Variants in COG5 observed in about 807,000 individuals in gnomAD.
COG5 encodes conserved oligomeric Golgi complex subunit 5.
In COG5, 86 loss-of-function variants were observed where a neutral mutation model predicts 110.4. The ratio of observed to expected loss-of-function variants is 0.78; its 90% confidence interval spans 0.65 to 0.93. The LOEUF (loss-of-function observed/expected upper bound fraction) is 0.93. COG5 is among the 40% of genes least tolerant of loss of function. The pLI, the probability that COG5 is intolerant of heterozygous loss-of-function variation, is 0.00. For synonymous variants in COG5, 360 were observed against 334.6 expected, an observed-to-expected ratio of 1.08 and a Z score of -0.83; for missense variants, 1,077 against 987.0, an observed-to-expected ratio of 1.09 and a Z score of -1.22.
At chr7:107,384,670 G>T (rs1056875724) in intron 7 of COG5, among the ~76,000 whole-genome samples, 3 of 152,158 alleles carry the variant, frequency 2.0e-5, no homozygotes, top group Non-Finnish European at 4.4e-5. Context: ...GGGAGGGCTG[G>T]TCTCATGGGA....
intron 10 of COG5, among the ~76,000 whole-genome samples, chr7:107,326,141 C>G (rs944943750): frequency 5.3e-5 from 8 of 152,024 alleles, no homozygotes; most frequent in Non-Finnish European, 1.0e-4. Flanking sequence ...AACTAGGACT[C>G]GAAGGAAATT....
chr7:107,395,616 AAG>A (rs1790942074), intron 7 of COG5, among the ~76,000 whole-genome samples: 1 of 139,092 alleles, frequency 7.2e-6, no homozygotes, highest in Non-Finnish European at 1.5e-5. Flanking sequence ...GTACAGTGGC[AAG>A]ACCTCGGCTT....
intron 6 of COG5, among the ~76,000 whole-genome samples, chr7:107,432,919 G>C (rs1042766372): frequency 3.3e-5 from 5 of 151,960 alleles, no homozygotes; most frequent in African/African-American, 1.2e-4. Context: ...CATAATCTTA[G>C]ATATAGCAAA....
chr7:107,552,875 C>T (rs1000472356), intron 3 of COG5, among the ~76,000 whole-genome samples: 1 of 152,038 alleles, frequency 6.6e-6, no homozygotes, highest in Admixed American at 6.5e-5. Context: ...AGGTGCCCAA[C>T]AACAGTGAAT....
At position 107,543,406 on chromosome 7, in the gene COG5, T is replaced by C. The variant is rs548822573; in HGVS notation, c.417+4705A>G. Among the ~76,000 whole-genome samples the C allele has an allele frequency of 1.6e-3, 251 of 152,232 alleles. 1 individual carries two copies. Among genetic ancestry groups the C allele is most frequent in the African/African-American group, 5.7e-3 (235 of 41,550 alleles). ...CAACACTAGGCCTGCCCCATTAAAATTGTGTTGGGCAGGCTGCCCCCGCCC... is the reference window on the plus strand; with the variant it reads ...CAACACTAGGCCTGCCCCATTAAAACTGTGTTGGGCAGGCTGCCCCCGCCC... On this transcript the variant is annotated intron_variant, in intron 5 of 21. Coordinates refer to ENST00000297135, the MANE Select transcript of COG5 (RefSeq NM_006348.5).
intron 1 of COG5, chr7:107,563,551 G>A (rs867424408): frequency 1.4e-5 from 7 of 498,088 alleles, no homozygotes; most frequent in East Asian, 3.7e-5. Context: ...GCATGGGGGG[G>A]GGGGGGGTCG....
chr7:107,326,764 A>G lies in COG5; in HGVS notation c.1027-2243T>C, dbSNP rs544784646. ...CTCAAAATCTCAATGGCATTTTTGC[A>G]GAAATAAAAAAATACTAAAATTAAT... On this transcript the variant is annotated intron_variant, in intron 10 of 21. Coordinates refer to ENST00000297135, the MANE Select transcript of COG5 (RefSeq NM_006348.5). Among the ~76,000 whole-genome samples the G allele has an allele frequency of 2.0e-5, 3 of 152,344 alleles. No individual in the cohort carries two copies. In the Middle Eastern group the frequency reaches 0.01, roughly 518 times the overall value.
chr7:107,217,564 G>A (rs924267203), intron 19 of COG5, among the ~76,000 whole-genome samples: 2 of 152,080 alleles, frequency 1.3e-5, no homozygotes, highest in African/African-American at 4.8e-5. Flanking sequence ...TTCTCCCTGG[G>A]AGAAATGCAA....
chr7:107,235,451 T>A (rs1216616574), intron 18 of COG5, among the ~76,000 whole-genome samples: 2 of 152,230 alleles, frequency 1.3e-5, no homozygotes, highest in Non-Finnish European at 2.9e-5. Context: ...ACGCCTGTAA[T>A]CCCAACACTT....
intron 10 of COG5, among the ~76,000 whole-genome samples, chr7:107,353,658 C>T (rs1053916302): frequency 4.6e-5 from 7 of 151,942 alleles, no homozygotes; most frequent in Non-Finnish European, 7.4e-5. Flanking sequence ...ACTAAAATAC[C>T]ACTTAGGTTA....
chr7:107,249,241 T>G lies in COG5; in HGVS notation c.1750-742A>C, dbSNP rs953415279. ...TCCCCAGGAAACATTTGGTATTGCT[T>G]AAAGACATTTTTCATTGTCACAGTT... On this transcript the variant is annotated intron_variant, in intron 16 of 21. Coordinates refer to ENST00000297135, the MANE Select transcript of COG5 (RefSeq NM_006348.5). 5.3e-5 allele frequency among the ~76,000 whole-genome samples: 8 copies of G among 152,198 alleles called. No individual in the cohort carries two copies. In the South Asian group the frequency reaches 8.3e-4, roughly 16 times the overall value.
rs369044847 is a variant in COG5, at chr7:107,474,781, C to A, written c.538+52456G>T. The stretch of plus-strand genomic sequence containing the variant: ...CAAAATACTTCAGGCTCTTAATATT[C>A]GAATAGGCACAAGATTTTCAACAGG... On this transcript the variant is annotated intron_variant, in intron 6 of 21. Transcript: ENST00000297135. The surrounding 1 kb of genome is among the most constrained non-coding windows in gnomAD (Gnocchi z 5.7). 1.4e-5 allele frequency: 23 copies of A among 1,610,790 alleles called. No homozygotes were observed. The highest frequency in any genetic ancestry group is 6.7e-5 in the African/African-American group (5 of 74,668).
At chr7:107,368,033 ATAAC>A (rs1391050321) in intron 8 of COG5, among the ~76,000 whole-genome samples, 2 of 152,184 alleles carry the variant, frequency 1.3e-5, no homozygotes, top group Admixed American at 1.3e-4. Flanking sequence ...CAAAAATAAC[ATAAC>A]TAACAACTGG....
In COG5 at chr7:107,527,276, T is replaced by C. The variant is rs1437250885; in HGVS notation, c.499A>G (p.Arg167Gly). Residue 167 changes from arginine to glycine, a missense_variant, in exon 6 of 22, where the codon AGA becomes GGA. Coordinates refer to ENST00000297135, the MANE Select transcript of COG5 (RefSeq NM_006348.5). ...CTCTGAGCAGCTTTTGTTATCTCTC[T>C]ACTTCCCCCTTGCAGTTGTCCTTGG... ...RLQGQLQGGSREITKAAQSLN... is the reference protein window; with the variant it reads ...RLQGQLQGGSGEITKAAQSLN... 36 of 1,609,684 alleles carry C rather than the reference T, an allele frequency of 2.2e-5. No individual in the cohort carries two copies. Among genetic ancestry groups the C allele is most frequent in the Non-Finnish European group, 2.9e-5 (34 of 1,177,588 alleles).
intron 10 of COG5, among the ~76,000 whole-genome samples, chr7:107,345,345 T>A (rs1005116158): frequency 6.6e-6 from 1 of 152,106 alleles, no homozygotes; most frequent in Non-Finnish European, 1.5e-5. Context: ...TGTTGGAAAA[T>A]GGCACCAATA....
chr7:107,520,358 C>A (rs547721240), intron 6 of COG5, among the ~76,000 whole-genome samples: 2 of 152,244 alleles, frequency 1.3e-5, no homozygotes, highest in East Asian at 1.9e-4. Flanking sequence ...GTCAAATTGT[C>A]TGTTTCCAGA....
intron 6 of COG5, among the ~76,000 whole-genome samples, chr7:107,495,324 T>A (rs1235189259): frequency 6.6e-6 from 1 of 152,152 alleles, no homozygotes; most frequent in African/African-American, 2.4e-5. Flanking sequence ...CATAAGGTAC[T>A]ACACTCCCAA....
chr7:107,421,293 T>C (rs1356812946), intron 6 of COG5, among the ~76,000 whole-genome samples: 1 of 152,186 alleles, frequency 6.6e-6, no homozygotes, highest in Non-Finnish European at 1.5e-5. Flanking sequence ...TATCTCTCCT[T>C]AGATGCCCTA....
At chr7:107,235,574 G>A (rs1046283414) in intron 18 of COG5, among the ~76,000 whole-genome samples, 5 of 152,154 alleles carry the variant, frequency 3.3e-5, no homozygotes, top group African/African-American at 9.7e-5. Flanking sequence ...GTGGTGGCGC[G>A]TGCCTGTAGT....
Sources: gnomAD v4.1 joint callset for allele counts (sites outside exome capture counted in the v4.1 genomes callset) on GRCh38, gnomAD v4.1.1 for gene constraint, Gnocchi (gnomAD v3.1) non-coding constraint, MANE v1.5 for transcripts, NCBI Gene and HGNC (gene_info 2026-07-23, HGNC 2026-07-21) for gene names.